Variants in PCDHA10 observed in about 807,000 individuals in gnomAD.
The protein encoded by PCDHA10 is protocadherin alpha-10.
In PCDHA10, 45 loss-of-function variants were observed where a neutral mutation model predicts 61.2. The observed-to-expected ratio is 0.74, with a 90% CI of 0.58 to 0.94. PCDHA10 has a LOEUF of 0.94. PCDHA10 is among the 40% of genes least tolerant of loss of function. PCDHA10 has a pLI of 0.00. For missense variants in PCDHA10, 1,278 were observed against 1,236.2 expected (o/e 1.03, Z -0.51); for synonymous variants, 602 against 548.8 (o/e 1.10, Z -1.35).
intron 1 of PCDHA10, among the ~76,000 whole-genome samples, chr5:140,901,988 T>C (rs892830479): frequency 6.6e-6 from 1 of 152,164 alleles, no homozygotes; most frequent in Admixed American, 6.6e-5. Context: ...TTTAATTTCA[T>C]TTTCAGATTG....
At chr5:140,998,850 A>T (rs904977478) in intron 3 of PCDHA10, among the ~76,000 whole-genome samples, 1 of 152,234 alleles carries the variant, frequency 6.6e-6, no homozygotes, top group African/African-American at 2.4e-5. Context: ...GGTGTGAGCC[A>T]CATGCCTGGC....
intron 1 of PCDHA10, among the ~76,000 whole-genome samples, chr5:140,951,398 A>T (rs1428015395): frequency 6.6e-6 from 1 of 152,100 alleles, no homozygotes; most frequent in Non-Finnish European, 1.5e-5. Flanking sequence ...TTATAAAGAA[A>T]AGAGGTTTAA....
intron 3 of PCDHA10, among the ~76,000 whole-genome samples, chr5:140,998,569 G>GT (rs71574497): frequency 0.37 from 55,088 of 149,258 alleles, 10,597 homozygotes; most frequent in African/African-American, 0.48. Flanking sequence ...TTGTAAATAA[G>GT]TTTTTTTTTT....
In PCDHA10 at chr5:140,882,159, T is replaced by C. The variant is rs1017946710; in HGVS notation, c.2388+23723T>C. 76 of 1,509,284 alleles carry C rather than the reference T, an allele frequency of 5.0e-5. No individual in the cohort carries two copies. The African/African-American group carries it at 8.9e-4, about 18-fold the overall frequency. 93.5% of individuals were successfully genotyped at this position (1,509,284 alleles called of 1,614,324 possible). On this transcript the variant is annotated intron_variant, in intron 1 of 3. Transcript: ENST00000307360. ...AAAATATAGCAGAAAGCGGAATACC[T>C]CTTGCGAATCCTTCCGCACTAGGAA...
chr5:140,966,894 A>G, intron 1 of PCDHA10: 1 of 1,596,438 alleles, frequency 6.3e-7, no homozygotes, highest in Non-Finnish European at 8.5e-7. Flanking sequence ...GCGGCCTCCC[A>G]GCTGCGATAC....
At chr5:141,009,120 T>C (rs1383940737) in intron 3 of PCDHA10, among the ~76,000 whole-genome samples, 1 of 152,236 alleles carries the variant, frequency 6.6e-6, no homozygotes, top group African/African-American at 2.4e-5. Flanking sequence ...ACTAGATTCT[T>C]GGTATCCTGG....
chr5:140,959,254 G>A (rs1318438220), intron 1 of PCDHA10, among the ~76,000 whole-genome samples: 3 of 152,054 alleles, frequency 2.0e-5, no homozygotes, highest in Non-Finnish European at 2.9e-5. Context: ...GTGCATGACT[G>A]TAGTCCCAGC....
intron 1 of PCDHA10, among the ~76,000 whole-genome samples, chr5:140,897,646 C>T (rs1336141431): frequency 1.3e-5 from 2 of 152,128 alleles, no homozygotes; most frequent in African/African-American, 4.8e-5. Flanking sequence ...CCACAATAAA[C>T]ATACGTGTGC....
chr5:140,982,722 T>G, intron 3 of PCDHA10, 159 bp downstream of exon 3: 1 of 913,304 alleles, frequency 1.1e-6, no homozygotes, highest in African/African-American at 1.8e-5. Flanking sequence ...TATGATTATT[T>G]TGATTTTATA....
At chr5:140,982,713 A>G (rs2096998735) in intron 3 of PCDHA10, 150 bp downstream of exon 3, 2 of 1,373,774 alleles carry the variant, frequency 1.5e-6, no homozygotes, top group African/African-American at 1.5e-5. Flanking sequence ...CCTTACATAT[A>G]TGATTATTTT....
chr5:140,953,267 C>G (rs902465304), intron 1 of PCDHA10, among the ~76,000 whole-genome samples: 4 of 152,068 alleles, frequency 2.6e-5, no homozygotes, highest in African/African-American at 4.8e-5. Flanking sequence ...TTAGCTTTAG[C>G]CTTTGCTCTT....
At chr5:140,979,817 A>G (rs1228260788) in intron 2 of PCDHA10, among the ~76,000 whole-genome samples, 1 of 152,262 alleles carries the variant, frequency 6.6e-6, no homozygotes, top group Non-Finnish European at 1.5e-5. Flanking sequence ...AAAAGGATTT[A>G]ATTTTAAAGA....
At position 140,968,861 on chromosome 5, in the gene PCDHA10, C is replaced by G; in HGVS notation, c.2389-10088C>G. 1.9e-6 allele frequency: 3 copies of G among 1,614,182 alleles called. No homozygotes were observed. In the South Asian group the frequency reaches 3.3e-5, roughly 18 times the overall value. ...CACTCAGAGGCATGTTAAGAGCCCT[C>G]GGACATACTCTGAAATTACCCTTTA... is the stretch of plus-strand genomic sequence containing the variant. On this transcript the variant is annotated intron_variant, in intron 1 of 3. Coordinates refer to ENST00000307360, the MANE Select transcript of PCDHA10 (RefSeq NM_018901.4).
rs782623559 is a variant in PCDHA10 at position 141,009,752 on chromosome 5, A to G, written c.2662A>G (p.Ile888Val). The G allele has an allele frequency of 3.1e-6, 5 of 1,614,086 alleles. No homozygotes were observed. Among genetic ancestry groups the G allele is most frequent in the East Asian group, 4.5e-5 (2 of 44,882 alleles). The change falls in exon 4 of 4, where the codon ATC becomes GTC. Residue 888 changes from isoleucine (I) to valine (V), a missense_variant. Physicochemically the swap from Ile to Val is conservative, Grantham distance 29. Transcript: ENST00000307360. ...CGGTGAGTTGCCCGACAAATTCATT[A>G]TCCCAGGATCTCCTGCAATCATCTC... ...GPGELPDKFIIPGSPAIISIR... is the reference protein window; with the variant it reads ...GPGELPDKFIVPGSPAIISIR...
chr5:140,998,596 C>G (rs1301065712), intron 3 of PCDHA10, among the ~76,000 whole-genome samples: 1 of 148,578 alleles, frequency 6.7e-6, no homozygotes, highest in Non-Finnish European at 1.5e-5. Flanking sequence ...CAGAGTTTTG[C>G]TCTTGTTGCC....
chr5:140,892,952 AT>A (rs1327610333), intron 1 of PCDHA10, among the ~76,000 whole-genome samples: 1 of 152,154 alleles, frequency 6.6e-6, no homozygotes, highest in African/African-American at 2.4e-5. Context: ...TACTACTTCC[AT>A]GAGCTCAATA....
intron 1 of PCDHA10, chr5:140,870,474 C>G: frequency 6.2e-7 from 1 of 1,614,218 alleles, no homozygotes; most frequent in South Asian, 1.1e-5. Context: ...TCGCACAGCC[C>G]GAGTACACCG....
intron 1 of PCDHA10, among the ~76,000 whole-genome samples, chr5:140,930,655 C>T (rs1554207993): frequency 6.6e-6 from 1 of 152,110 alleles, no homozygotes; most frequent in Non-Finnish European, 1.5e-5. Context: ...TGAAGCATTC[C>T]TTGTTTTACT....
chr5:140,876,899 C>T (rs781884794), intron 1 of PCDHA10: 2 of 1,614,092 alleles, frequency 1.2e-6, no homozygotes, highest in South Asian at 2.2e-5. Context: ...CACATCTTCA[C>T]GGTGTCGGCA....
Sources: gnomAD v4.1 joint callset for allele counts (sites outside exome capture counted in the v4.1 genomes callset) on GRCh38, gnomAD v4.1.1 for gene constraint, MANE v1.5 for transcripts, NCBI Gene and HGNC (gene_info 2026-07-23, HGNC 2026-07-21) for gene names.